LRP1B: variants seen among roughly 807,000 people sequenced by gnomAD.
LRP1B encodes low-density lipoprotein receptor-related protein 1B.
In LRP1B, 217 loss-of-function variants were observed where a neutral mutation model predicts 556.6. The ratio of observed to expected loss-of-function variants is 0.39; its 90% CI spans 0.35 to 0.44. LRP1B has a LOEUF of 0.44. Among genes scored for constraint, LRP1B ranks in the 20% least tolerant of loss-of-function variants. The pLI, the probability that LRP1B is intolerant of heterozygous loss-of-function variation, is 1.00. For missense variants in LRP1B, 5,053 were observed against 5,620.8 expected, an observed-to-expected ratio of 0.90 and a Z score of 3.23; for synonymous variants, 2,047 against 1,865.8, an observed-to-expected ratio of 1.10 and a Z score of -2.50.
chr2:141,393,378 A>G (rs928327823), intron 3 of LRP1B, among the ~76,000 whole-genome samples: 1 of 152,190 alleles, frequency 6.6e-6, no homozygotes, highest in Non-Finnish European at 1.5e-5. Flanking sequence ...TCAGATAAGC[A>G]TAGAACTTTC....
intron 2 of LRP1B, among the ~76,000 whole-genome samples, chr2:141,802,621 G>C: frequency 6.6e-6 from 1 of 152,038 alleles, no homozygotes; most frequent in East Asian, 1.9e-4. Flanking sequence ...TGGGGAGAGG[G>C]AGAGAGAAAA....
rs150971581 is a variant in LRP1B at position 140,537,246 on chromosome 2, T to C, written c.7514-537A>G. On this transcript the variant is annotated intron_variant, in intron 45 of 90. Coordinates refer to ENST00000389484, the MANE Select transcript of LRP1B (RefSeq NM_018557.3). Reference sequence around the variant, plus strand: ...ATAATATAATAATTATTATTATTGTTTTTTAAAACAGCCAGTTAAATGAAC... The same window carrying C: ...ATAATATAATAATTATTATTATTGTCTTTTAAAACAGCCAGTTAAATGAAC... Among the ~76,000 whole-genome samples the C allele has an allele frequency of 3.3e-3, 489 of 148,644 alleles. 7 individuals carry two copies. In the East Asian group the frequency reaches 0.033, roughly 10 times the overall value.
chr2:140,945,818 A>G (rs1695526957), intron 20 of LRP1B, among the ~76,000 whole-genome samples: 1 of 152,200 alleles, frequency 6.6e-6, no homozygotes, highest in Non-Finnish European at 1.5e-5. Context: ...ATTTATGACT[A>G]AGTCCTCTAA....
At chr2:142,122,471 A>T (rs1707491289) in intron 1 of LRP1B, among the ~76,000 whole-genome samples, 1 of 152,128 alleles carries the variant, frequency 6.6e-6, no homozygotes, top group Admixed American at 6.6e-5. Context: ...CATGTTGGAT[A>T]GTCATCAAAT....
chr2:140,921,419 T>C (rs1359081007), intron 21 of LRP1B, among the ~76,000 whole-genome samples: 4 of 152,000 alleles, frequency 2.6e-5, no homozygotes, highest in Middle Eastern at 3.2e-3. Context: ...AGAAGTTATA[T>C]GGAGAAAATA....
At chr2:141,323,126 AT>A (rs1399192252) in intron 3 of LRP1B, among the ~76,000 whole-genome samples, 1 of 152,084 alleles carries the variant, frequency 6.6e-6, no homozygotes, top group East Asian at 1.9e-4. Context: ...TGTCTTCACT[AT>A]TTTTGCATGA....
intron 7 of LRP1B, among the ~76,000 whole-genome samples, chr2:141,080,662 A>G (rs1418382143): frequency 1.3e-5 from 2 of 152,174 alleles, no homozygotes; most frequent in Non-Finnish European, 2.9e-5. Context: ...TGCATACAAA[A>G]GACACCGTCA....
chr2:140,983,067 T>C (rs1454052301), intron 17 of LRP1B, among the ~76,000 whole-genome samples: 1 of 151,748 alleles, frequency 6.6e-6, no homozygotes, highest in African/African-American at 2.4e-5. Context: ...TTTTCTAGTA[T>C]AATCAGGGCA....
intron 1 of LRP1B, among the ~76,000 whole-genome samples, chr2:141,986,744 C>T (rs1282816721): frequency 6.6e-6 from 1 of 151,936 alleles, no homozygotes; most frequent in Non-Finnish European, 1.5e-5. Context: ...GGAATGGAAA[C>T]GTGAGTTCTT....
At position 141,424,936 on chromosome 2, in the gene LRP1B, T is replaced by A. The variant is rs1467224950; in HGVS notation, c.343+55460A>T. Reference sequence around the variant, plus strand: ...TTTTTCTTTATTATTATTATTATTATACTTTAAGTTTTAGGGTACATGTGC... The same window carrying A: ...TTTTTCTTTATTATTATTATTATTAAACTTTAAGTTTTAGGGTACATGTGC... On this transcript the variant is annotated intron_variant, in intron 3 of 90. Transcript: ENST00000389484. 3.9e-5 allele frequency among the ~76,000 whole-genome samples: 6 copies of A among 152,264 alleles called. No individual in the cohort carries two copies. The East Asian group carries it at 1.2e-3, about 29-fold the overall frequency.
intron 2 of LRP1B, among the ~76,000 whole-genome samples, chr2:141,641,180 G>A (rs1434253501): frequency 4.3e-5 from 4 of 92,366 alleles, no homozygotes; most frequent in Admixed American, 1.0e-4. Flanking sequence ...TTAAAGTGCC[G>A]GTAGTATAGC....
intron 2 of LRP1B, among the ~76,000 whole-genome samples, chr2:141,549,893 G>T (rs1370432745): frequency 6.6e-6 from 1 of 152,158 alleles, no homozygotes; most frequent in Admixed American, 6.5e-5. Context: ...TACTCAGGAG[G>T]CTGAGGCAGG....
chr2:140,309,665 A>G lies in LRP1B; in HGVS notation c.12805+5270T>C, dbSNP rs1004301624. Among the ~76,000 whole-genome samples, 8 of 151,834 alleles carry G rather than the reference A, an allele frequency of 5.3e-5. No individual in the cohort carries two copies. In the Admixed American group the frequency reaches 5.3e-4, roughly 10 times the overall value. On this transcript the variant is annotated intron_variant, in intron 83 of 90. Transcript: ENST00000389484. ...GATCCTGACAATATTTTAATTTCTA[A>G]TAATAGTTTCTAATATAATTATTGT...
At chr2:140,264,727 TGTG>T (rs1682118405) in intron 86 of LRP1B, among the ~76,000 whole-genome samples, 5 of 143,552 alleles carry the variant, frequency 3.5e-5, no homozygotes, top group African/African-American at 1.5e-4. Flanking sequence ...TGTGTGTGTG[TGTG>T]TGTGTGTGTG....
At chr2:140,303,639 A>G (rs1240596188) in intron 83 of LRP1B, among the ~76,000 whole-genome samples, 3 of 152,084 alleles carry the variant, frequency 2.0e-5, no homozygotes, top group Non-Finnish European at 4.4e-5. Context: ...AATCTTCTAT[A>G]AAAAATATTA....
chr2:140,753,478 G>A (rs1688649904), intron 35 of LRP1B, among the ~76,000 whole-genome samples: 1 of 152,218 alleles, frequency 6.6e-6, no homozygotes, highest in South Asian at 2.1e-4. Context: ...TAGCATAATA[G>A]GAAATGTCAA....
At chr2:141,773,525 G>A (rs1694966416) in intron 2 of LRP1B, among the ~76,000 whole-genome samples, 1 of 152,212 alleles carries the variant, frequency 6.6e-6, no homozygotes, top group African/African-American at 2.4e-5. Flanking sequence ...CAGAGGACAA[G>A]GTGAATACCT....
At chr2:141,205,275 AT>A (rs1328400180) in intron 6 of LRP1B, among the ~76,000 whole-genome samples, 1 of 152,204 alleles carries the variant, frequency 6.6e-6, no homozygotes, top group Non-Finnish European at 1.5e-5. Context: ...TCAAAAAAGA[AT>A]TGATAACTTG....
At chr2:141,918,810 C>A (rs1015995664) in intron 1 of LRP1B, among the ~76,000 whole-genome samples, 7 of 152,110 alleles carry the variant, frequency 4.6e-5, no homozygotes, top group South Asian at 2.1e-4. Context: ...GCCTCAGTGA[C>A]CACAAGCATT....
Sources: allele counts gnomAD v4.1 joint callset (sites outside exome capture counted in the v4.1 genomes callset), GRCh38; gene constraint gnomAD v4.1.1; transcripts MANE v1.5; gene names NCBI Gene and HGNC (gene_info 2026-07-23, HGNC 2026-07-21).